NECAB1: variants seen among roughly 807,000 people sequenced by gnomAD.
NECAB1 encodes the protein N-terminal EF-hand calcium-binding protein 1.
In NECAB1, 29 loss-of-function variants were observed where a neutral mutation model predicts 57.5. The observed-to-expected ratio is 0.50, with a 90% CI of 0.38 to 0.69. The LOEUF is 0.69. Ranked by LOEUF, NECAB1 falls within the 30% of genes least tolerant of loss-of-function variation. The pLI is 0.00. For synonymous variants in NECAB1, 142 were observed against 147.7 expected (o/e 0.96, Z 0.28); for missense variants, 372 against 413.8 (o/e 0.90, Z 0.88).
chr8:90,861,570 G>A (rs932051149), intron 3 of NECAB1, among the ~76,000 whole-genome samples: 17 of 152,122 alleles, frequency 1.1e-4, no homozygotes, highest in African/African-American at 3.9e-4. Context: ...ATGACCAGGA[G>A]TCTCTTACCC....
intron 5 of NECAB1, among the ~76,000 whole-genome samples, chr8:90,885,316 G>A (rs941209934): frequency 6.6e-6 from 1 of 152,096 alleles, no homozygotes; most frequent in African/African-American, 2.4e-5. Flanking sequence ...GCACCTACCT[G>A]GCAATCATGT....
At chr8:90,915,158 G>A (rs571589755) in intron 5 of NECAB1, among the ~76,000 whole-genome samples, 13 of 152,164 alleles carry the variant, frequency 8.5e-5, no homozygotes, top group African/African-American at 1.7e-4. Flanking sequence ...ACTGAGATGC[G>A]AAAATAGTTG....
intron 2 of NECAB1, among the ~76,000 whole-genome samples, chr8:90,822,445 C>T (rs1230691558): frequency 6.6e-6 from 1 of 151,870 alleles, no homozygotes; most frequent in Non-Finnish European, 1.5e-5. Context: ...TGCATGTGGT[C>T]ACAACAGGTT....
intron 5 of NECAB1, among the ~76,000 whole-genome samples, chr8:90,912,424 T>C (rs1809851537): frequency 6.6e-6 from 1 of 152,196 alleles, no homozygotes; most frequent in East Asian, 1.9e-4. Flanking sequence ...AAGTATCAAC[T>C]TATTTCAAAC....
chr8:90,799,924 T>G (rs1418481554), intron 1 of NECAB1, among the ~76,000 whole-genome samples: 1 of 152,250 alleles, frequency 6.6e-6, no homozygotes, highest in Non-Finnish European at 1.5e-5. Context: ...ATATTGATTC[T>G]TCCAATTCTT....
chr8:90,851,737 GA>G (rs910383124), intron 3 of NECAB1, among the ~76,000 whole-genome samples: 3 of 152,218 alleles, frequency 2.0e-5, no homozygotes, highest in African/African-American at 7.2e-5. Context: ...CCCCATCAGA[GA>G]GTACTTTTGT....
intron 6 of NECAB1, among the ~76,000 whole-genome samples, chr8:90,923,222 A>C (rs1473356554): frequency 6.6e-6 from 1 of 152,096 alleles, no homozygotes. Context: ...TCCTTGAAGA[A>C]CCCCAGACAT....
At chr8:90,795,858 G>GA (rs926229908) in intron 1 of NECAB1, among the ~76,000 whole-genome samples, 13 of 151,230 alleles carry the variant, frequency 8.6e-5, no homozygotes, top group Admixed American at 3.3e-4. Context: ...CAGAAATTAG[G>GA]AAAAAAAAAT....
chr8:90,865,364 T>G (rs901861776), intron 3 of NECAB1, among the ~76,000 whole-genome samples: 7 of 152,124 alleles, frequency 4.6e-5, no homozygotes, highest in Admixed American at 4.6e-4. Flanking sequence ...TGGACTCCTA[T>G]AGACTCCTGA....
chr8:90,925,467 G>A lies in NECAB1; in HGVS notation c.495-68G>A, dbSNP rs1810241812. 53 of 1,549,942 alleles carry A rather than the reference G, an allele frequency of 3.4e-5. 3 individuals carry two copies. The South Asian group carries it at 5.2e-4, about 15-fold the overall frequency. ...AAAACCTTTATGACTGACGCATGAA[G>A]ATCTCTTCCCTGAAGGAAGAGACTG... On this transcript the variant is annotated intron_variant, in intron 6 of 12. Transcript: ENST00000417640.
At chr8:90,906,895 A>ATATATATGTATGTATGTATG (rs1809684705) in intron 5 of NECAB1, among the ~76,000 whole-genome samples, 1 of 139,198 alleles carries the variant, frequency 7.2e-6, no homozygotes, top group Non-Finnish European at 1.5e-5. Flanking sequence ...ATATATATAT[A>ATATATATGTATGTATGTATG]TATATATATA....
intron 3 of NECAB1, among the ~76,000 whole-genome samples, chr8:90,837,284 G>A (rs1289675754): frequency 6.6e-6 from 1 of 152,176 alleles, no homozygotes; most frequent in Non-Finnish European, 1.5e-5. Flanking sequence ...AAGACCCACA[G>A]TGGATGCTTA....
At chr8:90,821,414 A>AT (rs1436714373) in intron 2 of NECAB1, among the ~76,000 whole-genome samples, 2 of 151,680 alleles carry the variant, frequency 1.3e-5, no homozygotes, top group Non-Finnish European at 2.9e-5. Flanking sequence ...GGTTTCTCAT[A>AT]TTTCCTCTTC....
chr8:90,815,959 T>C (rs1812054884), intron 2 of NECAB1, among the ~76,000 whole-genome samples: 1 of 151,966 alleles, frequency 6.6e-6, no homozygotes, highest in Non-Finnish European at 1.5e-5. Flanking sequence ...GATAAGAATG[T>C]ACCAAAATGT....
At chr8:90,887,338 A>G (rs983264242) in intron 5 of NECAB1, among the ~76,000 whole-genome samples, 3 of 152,334 alleles carry the variant, frequency 2.0e-5, no homozygotes, top group Admixed American at 6.5e-5. Context: ...CAAGGCAGTA[A>G]TAAACTATGA....
intron 6 of NECAB1, among the ~76,000 whole-genome samples, chr8:90,917,934 G>GTGTATATA (rs1810007655): frequency 1.2e-5 from 1 of 86,806 alleles, no homozygotes; most frequent in African/African-American, 9.4e-5. Context: ...ACATATATGT[G>GTGTATATA]TATGTGTGTA....
chr8:90,896,092 G>C lies in NECAB1; in HGVS notation c.357+14962G>C, dbSNP rs574017045. 7.8e-4 allele frequency among the ~76,000 whole-genome samples: 119 copies of C among 152,248 alleles called. 1 individual carries two copies. Among genetic ancestry groups the C allele is most frequent in the African/African-American group, 2.7e-3 (114 of 41,548 alleles). ...TATACTTATTCTTGTCGGGTGCTGT[G>C]TCATACCATGCATCCGTAAGTCGAT... On this transcript the variant is annotated intron_variant, in intron 5 of 12. Coordinates refer to ENST00000417640, the MANE Select transcript of NECAB1 (RefSeq NM_022351.5).
intron 5 of NECAB1, among the ~76,000 whole-genome samples, chr8:90,905,716 C>CTTAGAACT (rs367566938): frequency 3.5e-4 from 54 of 152,258 alleles, no homozygotes; most frequent in African/African-American, 1.2e-3. Flanking sequence ...TTTCTGTTCT[C>CTTAGAACT]TTTGTTCTCC....
chr8:90,943,366 A>G (rs140768854), intron 10 of NECAB1, among the ~76,000 whole-genome samples: 3 of 152,302 alleles, frequency 2.0e-5, no homozygotes, highest in African/African-American at 7.2e-5. Context: ...CTGATTTTTC[A>G]GGTAATTTCT....
Sources: allele counts gnomAD v4.1 joint callset (sites outside exome capture counted in the v4.1 genomes callset), GRCh38; gene constraint gnomAD v4.1.1; transcripts MANE v1.5; gene names NCBI Gene and HGNC (gene_info 2026-07-23, HGNC 2026-07-21).